LAMC2: variants seen among roughly 807,000 people sequenced by gnomAD.
LAMC2 encodes laminin subunit gamma-2.
In LAMC2, 97 loss-of-function variants were observed where a neutral mutation model predicts 140.2. That is an observed-to-expected ratio of 0.69 (90% CI 0.59 to 0.82). LAMC2 has a LOEUF of 0.82. Among genes scored for constraint, LAMC2 ranks in the 40% least tolerant of loss-of-function variants. The pLI, the probability that LAMC2 is intolerant of heterozygous loss-of-function variation, is 0.00. For missense variants in LAMC2, 1,402 were observed against 1,476.1 expected, an observed-to-expected ratio of 0.95 and a Z score of 0.82; for synonymous variants, 513 against 540.2, an observed-to-expected ratio of 0.95 and a Z score of 0.70.
At chr1:183,218,231 T>C (rs1241822023) in intron 3 of LAMC2, among the ~76,000 whole-genome samples, 159 bp from the exon 4 acceptor site, 2 of 152,234 alleles carry the variant, frequency 1.3e-5, no homozygotes, top group African/African-American at 4.8e-5. Context: ...TCCTTAAGTG[T>C]GTGAGAGAGG....
intron 7 of LAMC2, 131 bp from the exon 8 acceptor site, chr1:183,225,477 C>A: frequency 1.4e-6 from 1 of 722,724 alleles, no homozygotes; most frequent in Admixed American, 1.9e-5. Flanking sequence ...AGGTGGCTCT[C>A]AGTCCTATGC....
intron 1 of LAMC2, among the ~76,000 whole-genome samples, chr1:183,205,815 G>A (rs760675230): frequency 6.5e-4 from 99 of 152,168 alleles, no homozygotes; most frequent in Non-Finnish European, 1.1e-3. Context: ...GTGTGTGTGT[G>A]TGTGTCTGTG....
chr1:183,229,425 T>C (rs904782980), intron 11 of LAMC2, among the ~76,000 whole-genome samples: 2 of 151,682 alleles, frequency 1.3e-5, no homozygotes, highest in Non-Finnish European at 2.9e-5. Flanking sequence ...TCACCTGAGG[T>C]TGTGAGTTCA....
At chr1:183,252,603 A>T in the LAMC2 span, 1 of 1,365,422 alleles carries the variant, frequency 7.3e-7, no homozygotes, top group East Asian at 2.3e-5. Flanking sequence ...GCTGACAAAG[A>T]TGGAGGGGCC....
At chr1:183,204,457 A>G (rs74830617) in intron 1 of LAMC2, among the ~76,000 whole-genome samples, 1 of 70,874 alleles carries the variant, frequency 1.4e-5, no homozygotes, top group Admixed American at 1.5e-4. Flanking sequence ...AACAAACAGA[A>G]AAAAAAAAAA....
At chr1:183,252,613 C>T in the LAMC2 span, 3 of 1,444,718 alleles carry the variant, frequency 2.1e-6, no homozygotes, top group African/African-American at 4.2e-5. Flanking sequence ...ATGGAGGGGC[C>T]ATTGTGTTGC....
downstream of LAMC2, chr1:183,248,854 T>G (rs1278954505): frequency 6.6e-6 from 1 of 151,952 alleles, no homozygotes. Context: ...ATGAGTAAAA[T>G]GTAATAACAT....
At chr1:183,256,146 G>C in the LAMC2 span, among the ~76,000 whole-genome samples, 1 of 151,994 alleles carries the variant, frequency 6.6e-6, no homozygotes, top group Non-Finnish European at 1.5e-5. Context: ...GGTGGCTCAC[G>C]CGTGTAATCC....
At chr1:183,197,332 T>G (rs1658550156) in intron 1 of LAMC2, among the ~76,000 whole-genome samples, 1 of 152,194 alleles carries the variant, frequency 6.6e-6, no homozygotes, top group African/African-American at 2.4e-5. Flanking sequence ...AATCATAAGT[T>G]TGGTTTTAAA....
chr1:183,202,246 CCA>C (rs757223449), intron 1 of LAMC2, among the ~76,000 whole-genome samples: 6 of 150,160 alleles, frequency 4.0e-5, no homozygotes, highest in Non-Finnish European at 8.9e-5. Context: ...ACAAAGAAAA[CCA>C]CACACACAAA....
At chr1:183,204,957 G>C (rs1658838515) in intron 1 of LAMC2, among the ~76,000 whole-genome samples, 3 of 151,886 alleles carry the variant, frequency 2.0e-5, no homozygotes, top group African/African-American at 4.8e-5. Flanking sequence ...CAAGTAGCTG[G>C]GATTACAGGC....
chr1:183,243,178 G>A lies in LAMC2; in HGVS notation c.3360G>A (p.Leu1120=), dbSNP rs1220991568. The A allele has an allele frequency of 1.2e-6, 2 of 1,603,346 alleles. No homozygotes were observed. The highest frequency in any genetic ancestry group is 8.5e-7 in the Non-Finnish European group (1 of 1,175,584). Residue 1120 remains leucine, a synonymous_variant, in exon 23 of 23, where the codon CTG becomes CTA. Coordinates refer to ENST00000264144, the MANE Select transcript of LAMC2 (RefSeq NM_005562.3). ...CTCTCAGTGTAGATGAAGAGGGGCT[G>A]GTCTTACTGGAGCAGAAGCTTTCCC... The part of the protein sequence containing the change: ...DQPLSVDEEG[L]VLLEQKLSRA...
chr1:183,245,650 T>G (rs1304032481), downstream of LAMC2, among the ~76,000 whole-genome samples: 1 of 152,228 alleles, frequency 6.6e-6, no homozygotes, highest in African/African-American at 2.4e-5. Context: ...CAATCACATC[T>G]GCCATGCAAA....
intron 3 of LAMC2, 115 bp from the exon 4 acceptor site, chr1:183,218,275 A>C (rs997350945): frequency 6.0e-6 from 5 of 838,476 alleles, no homozygotes; most frequent in African/African-American, 3.3e-5. Context: ...GAGAAGCCTC[A>C]TCGAAGAAGG....
At chr1:183,236,908 C>T (rs1318111052) in intron 17 of LAMC2, among the ~76,000 whole-genome samples, 1 of 152,108 alleles carries the variant, frequency 6.6e-6, no homozygotes, top group Non-Finnish European at 1.5e-5. Flanking sequence ...TTTGTTTACG[C>T]TTGAGTCCAA....
Position 183,238,353 on chromosome 1 carries a change from C to T in LAMC2, c.2801C>T (p.Ala934Val). The change falls in exon 19 of 23, where the codon GCA (alanine) becomes GTA (valine). Residue 934 changes from alanine (A) to valine (V), a missense_variant. Physicochemically the swap from Ala to Val is moderately conservative, Grantham distance 64 (BLOSUM62 0). Coordinates refer to ENST00000264144, the MANE Select transcript of LAMC2 (RefSeq NM_005562.3). Reference protein sequence around the residue: ...LSRANLAKSRAQEALSMGNAT... With the variant: ...LSRANLAKSRVQEALSMGNAT... ...CGTGCCAATCTTGCTAAAAGCAGAG[C>T]ACAAGAAGCACTGAGTATGGGCAAT... is the stretch of plus-strand genomic sequence containing the variant. The T allele has an allele frequency of 2.5e-6, 4 of 1,614,092 alleles. No individual in the cohort carries two copies. Among genetic ancestry groups the T allele is most frequent in the Non-Finnish European group, 3.4e-6 (4 of 1,179,980 alleles).
At chr1:183,196,959 T>G (rs1658538853) in intron 1 of LAMC2, among the ~76,000 whole-genome samples, 1 of 152,166 alleles carries the variant, frequency 6.6e-6, no homozygotes, top group Non-Finnish European at 1.5e-5. Flanking sequence ...GAAAAGTAGA[T>G]AGGGTAAGAC....
chr1:183,195,063 A>T (rs887217897), intron 1 of LAMC2, among the ~76,000 whole-genome samples: 2 of 152,138 alleles, frequency 1.3e-5, no homozygotes, highest in African/African-American at 2.4e-5. Context: ...CTGTGAGCTT[A>T]CTCAGACTGA....
chr1:183,226,139 C>CTTTTTTTTT (rs76667253), intron 8 of LAMC2, among the ~76,000 whole-genome samples: 1 of 136,208 alleles, frequency 7.3e-6, no homozygotes, highest in African/African-American at 2.8e-5. Context: ...CTATTAATTC[C>CTTTTTTTTT]TTTTTTTTTT....
Sources: gnomAD v4.1 joint callset for allele counts (sites outside exome capture counted in the v4.1 genomes callset) on GRCh38, gnomAD v4.1.1 for gene constraint, MANE v1.5 for transcripts, NCBI Gene and HGNC (gene_info 2026-07-23, HGNC 2026-07-21) for gene names.